Variants in GALM observed in about 807,000 individuals in gnomAD.
GALM encodes galactose mutarotase, also known as aldose 1-epimerase.
Under a neutral mutation model 37.4 loss-of-function variants are expected in GALM, and 43 were observed. The ratio of observed to expected loss-of-function variants is 1.15; its 90% CI spans 0.90 to 1.48. GALM has a LOEUF of 1.48. Ranked by LOEUF, GALM falls within the 40% of genes most tolerant of loss-of-function variation. GALM has a pLI of 0.00. For synonymous variants in GALM, 199 were observed against 170.6 expected (o/e 1.17, Z -1.30); for missense variants, 456 against 419.1 (o/e 1.09, Z -0.77).
intron 4 of GALM, among the ~76,000 whole-genome samples, chr2:38,716,990 C>A (rs1386287996): frequency 1.3e-5 from 2 of 152,200 alleles, no homozygotes; most frequent in East Asian, 1.9e-4. Flanking sequence ...GTGGCTCATG[C>A]CTGTAATCCC....
At chr2:38,716,830 AGG>A (rs1370220456) in intron 4 of GALM, among the ~76,000 whole-genome samples, 4 of 152,166 alleles carry the variant, frequency 2.6e-5, no homozygotes, top group Admixed American at 6.5e-5. Flanking sequence ...ACTGCAGCCT[AGG>A]CAACATAAGA....
Position 38,674,374 on chromosome 2 carries a change from G to A in GALM, c.191-1538G>A, listed in dbSNP as rs1043952028. On this transcript the variant is annotated intron_variant, in intron 1 of 6. Transcript: ENST00000272252. ...CCAGCTAATTTTTGTATTTTTAGTGGAGACGGGGTTTCACCGTGTTGGCCA... is the reference window on the plus strand; with the variant it reads ...CCAGCTAATTTTTGTATTTTTAGTGAAGACGGGGTTTCACCGTGTTGGCCA... 4.6e-5 allele frequency among the ~76,000 whole-genome samples: 7 copies of A among 152,028 alleles called. 1 individual carries two copies. The South Asian group carries it at 1.5e-3, about 32-fold the overall frequency.
chr2:38,666,654 G>A (rs977602985), intron 1 of GALM, among the ~76,000 whole-genome samples: 3 of 152,352 alleles, frequency 2.0e-5, no homozygotes, highest in Admixed American at 6.5e-5. Context: ...TCTTTGAACT[G>A]CCTAATCTTT....
At chr2:38,731,396 C>CA (rs66613702) in intron 5 of GALM, among the ~76,000 whole-genome samples, 333 of 121,630 alleles carry the variant, frequency 2.7e-3, no homozygotes, top group Middle Eastern at 4.1e-3. Context: ...GACTCTATTT[C>CA]AAAAAAAAAA....
In GALM at chr2:38,690,445, G is replaced by A. The variant is rs149010942; in HGVS notation, c.634+551G>A. On this transcript the variant is annotated intron_variant, in intron 4 of 6. Transcript: ENST00000272252. ...TAGCTGGCTTTTTTGGGAGGGGGGC[G>A]GTGCGGGAGGGGATAGGGTCTCATT... Among the ~76,000 whole-genome samples, 1,004 of 152,068 alleles carry A rather than the reference G, an allele frequency of 6.6e-3. 15 individuals are homozygous for A. The highest frequency in any genetic ancestry group is 0.022 in the African/African-American group (908 of 41,490).
chr2:38,688,201 G>C (rs1665588715), intron 3 of GALM, among the ~76,000 whole-genome samples: 2 of 147,926 alleles, frequency 1.4e-5, no homozygotes, highest in Non-Finnish European at 3.0e-5. Context: ...GACAGAGTGA[G>C]ACTCCGTCTC....
chr2:38,672,519 C>A (rs530022745), intron 1 of GALM, among the ~76,000 whole-genome samples: 11 of 151,856 alleles, frequency 7.2e-5, no homozygotes, highest in Non-Finnish European at 1.3e-4. Flanking sequence ...GGTTAATAAC[C>A]AGAAAGCCTG....
chr2:38,669,460 C>T lies in GALM; in HGVS notation c.190+3109C>T, dbSNP rs1191476244. 3 of 152,186 alleles carry T rather than the reference C, an allele frequency of 2.0e-5. No homozygotes were observed. The East Asian group carries it at 5.8e-4, about 29-fold the overall frequency. 9.4% of individuals were successfully genotyped at this position (152,186 alleles called of 1,614,324 possible). ...ACGGGAATTGCTCACGCGGTGAGCT[C>T]GGCTTTTGAGACGCAAGTCTGCCTT... is the stretch of plus-strand genomic sequence containing the variant. On this transcript the variant is annotated intron_variant, in intron 1 of 6. Coordinates refer to ENST00000272252, the MANE Select transcript of GALM (RefSeq NM_138801.3).
rs146088333 is a variant in GALM, at chr2:38,689,537, G to T, written c.553-276G>T. Among the ~76,000 whole-genome samples, 62 of 152,242 alleles carry T rather than the reference G, an allele frequency of 4.1e-4. 1 individual carries two copies. Among genetic ancestry groups the T allele is most frequent in the African/African-American group, 1.4e-3 (58 of 41,540 alleles). The stretch of plus-strand genomic sequence containing the variant: ...CCACTAATAAGCCAAGGTCCAAAAG[G>T]CTTTCAAACCACTGTGGTCTCTGAC... On this transcript the variant is annotated intron_variant, in intron 3 of 6. Transcript: ENST00000272252.
At position 38,681,328 on chromosome 2, in the gene GALM, A is replaced by G. The variant is rs1665389665; in HGVS notation, c.394A>G (p.Ile132Val). Residue 132 changes from isoleucine (I) to valine (V), a missense_variant, in exon 3 of 7, where the codon ATC (isoleucine) becomes GTC (valine). Transcript: ENST00000272252. ...GTCAAATGGCGTCCAGTTCTCGCGC[A>G]TCAGTCCAGATGGTGAAGAAGGCTA... ...VLSNGVQFSR[I>V]SPDGEEGYPG... 1 of 1,613,966 alleles carries G rather than the reference A, an allele frequency of 6.2e-7. No individual in the cohort carries two copies. Among genetic ancestry groups the G allele is most frequent in the South Asian group, 1.1e-5 (1 of 91,068 alleles).
intron 1 of GALM, among the ~76,000 whole-genome samples, chr2:38,675,521 T>G (rs1340927351): frequency 9.6e-6 from 1 of 103,796 alleles, no homozygotes; most frequent in African/African-American, 4.5e-5. Flanking sequence ...ATTGAGGGTT[T>G]TTTTGTTTTT....
intron 3 of GALM, among the ~76,000 whole-genome samples, chr2:38,688,173 C>T (rs528711100): frequency 1.6e-3 from 237 of 150,986 alleles, no homozygotes; most frequent in South Asian, 8.4e-3. Context: ...GATTACACTA[C>T]TTCACTCCGG....
intron 3 of GALM, among the ~76,000 whole-genome samples, chr2:38,685,769 G>A (rs1246975991): frequency 6.6e-6 from 1 of 151,988 alleles, no homozygotes; most frequent in Non-Finnish European, 1.5e-5. Context: ...CCAGGCTGGA[G>A]TGCAGTGGCG....
intron 2 of GALM, chr2:38,680,099 G>A (rs1188034447): frequency 2.2e-6 from 1 of 451,590 alleles, no homozygotes. Context: ...GCTCACTGCA[G>A]CCTCAACCTC....
At chr2:38,711,927 T>A (rs1666181267) in intron 4 of GALM, among the ~76,000 whole-genome samples, 1 of 151,176 alleles carries the variant, frequency 6.6e-6, no homozygotes, top group Non-Finnish European at 1.5e-5. Context: ...TTAATTCTCA[T>A]AACAACTCCA....
intron 3 of GALM, among the ~76,000 whole-genome samples, chr2:38,689,305 C>T (rs1042946113): frequency 1.3e-5 from 2 of 152,146 alleles, no homozygotes; most frequent in Non-Finnish European, 2.9e-5. Context: ...TTCTCAAAAG[C>T]AGGGACTGCG....
At chr2:38,715,323 G>T (rs1274772050) in intron 4 of GALM, among the ~76,000 whole-genome samples, 1 of 152,184 alleles carries the variant, frequency 6.6e-6, no homozygotes, top group East Asian at 1.9e-4. Context: ...AAGCAAGTCT[G>T]TATATTTCAG....
intron 1 of GALM, among the ~76,000 whole-genome samples, chr2:38,674,255 T>C (rs1665184538): frequency 6.6e-6 from 1 of 151,438 alleles, no homozygotes; most frequent in South Asian, 2.1e-4. Flanking sequence ...AATGGCATGA[T>C]CTTGGCTCAC....
chr2:38,715,569 C>T (rs1264922739), intron 4 of GALM, among the ~76,000 whole-genome samples: 1 of 152,260 alleles, frequency 6.6e-6, no homozygotes, highest in South Asian at 2.1e-4. Flanking sequence ...TCCTGAGTAG[C>T]TGGGACCACA....
Sources: gnomAD v4.1 joint callset for allele counts (sites outside exome capture counted in the v4.1 genomes callset) on GRCh38, gnomAD v4.1.1 for gene constraint, MANE v1.5 for transcripts, NCBI Gene and HGNC (gene_info 2026-07-23, HGNC 2026-07-21) for gene names.